PTPRE: variants seen among roughly 807,000 people sequenced by gnomAD.
PTPRE encodes the protein protein tyrosine phosphatase receptor type E.
Under a neutral mutation model 102.0 loss-of-function variants are expected in PTPRE, and 51 were observed. The observed-to-expected ratio is 0.50, with a 90% CI of 0.40 to 0.63. The LOEUF (loss-of-function observed/expected upper bound fraction) is 0.63. Ranked by LOEUF, PTPRE falls within the 30% of genes least tolerant of loss-of-function variation. The pLI, the probability that PTPRE is intolerant of heterozygous loss-of-function variation, is 0.00. For synonymous variants in PTPRE, 345 were observed against 348.2 expected, an observed-to-expected ratio of 0.99 and a Z score of 0.10; for missense variants, 752 against 915.1, an observed-to-expected ratio of 0.82 and a Z score of 2.30.
At chr10:128,081,260 T>C (rs1285486679) in intron 20 of PTPRE, among the ~76,000 whole-genome samples, 1 of 152,176 alleles carries the variant, frequency 6.6e-6, no homozygotes, top group Admixed American at 6.5e-5. Context: ...AGTTTCCAAT[T>C]GCTGAGCACT....
intron 2 of PTPRE, among the ~76,000 whole-genome samples, chr10:128,007,849 G>A (rs1844625112): frequency 6.6e-6 from 1 of 152,192 alleles, no homozygotes; most frequent in South Asian, 2.1e-4. Context: ...ATCAGCATCC[G>A]CATCTTGACT....
intron 2 of PTPRE, among the ~76,000 whole-genome samples, chr10:128,006,123 A>G (rs1328127251): frequency 1.3e-5 from 2 of 152,212 alleles, no homozygotes; most frequent in African/African-American, 2.4e-5. Flanking sequence ...CCAGATGGTC[A>G]TGAATTTGGG....
chr10:127,915,510 G>T (rs565518834), intron 1 of PTPRE, among the ~76,000 whole-genome samples: 1 of 152,108 alleles, frequency 6.6e-6, no homozygotes, highest in Non-Finnish European at 1.5e-5. Flanking sequence ...TTTTGCCAAG[G>T]TTGCAAACAT....
chr10:127,960,675 T>C (rs1184222313), intron 1 of PTPRE, among the ~76,000 whole-genome samples: 1 of 152,196 alleles, frequency 6.6e-6, no homozygotes, highest in East Asian at 1.9e-4. Flanking sequence ...AGCCCAGATC[T>C]TGCTCTGATT....
intron 1 of PTPRE, among the ~76,000 whole-genome samples, chr10:127,979,076 C>G (rs1244148888): frequency 6.6e-6 from 1 of 152,074 alleles, no homozygotes; most frequent in Non-Finnish European, 1.5e-5. Context: ...CTTGCCTTAC[C>G]TACTAGGATA....
chr10:127,947,282 A>G (rs528990265), intron 1 of PTPRE, among the ~76,000 whole-genome samples: 23 of 152,276 alleles, frequency 1.5e-4, no homozygotes, highest in African/African-American at 5.5e-4. Context: ...AACAAAATAA[A>G]TAAAAATTCT....
rs115794245 is a variant in PTPRE, at chr10:127,999,984, C to T, written c.-8+17688C>T. Reference sequence around the variant, plus strand: ...TCTGTAAGTATCCATGGATGCACAGCGCAGACGCGGAAAGGGATCCCCAGA... The same window carrying T: ...TCTGTAAGTATCCATGGATGCACAGTGCAGACGCGGAAAGGGATCCCCAGA... On this transcript the variant is annotated intron_variant, in intron 2 of 20. Transcript: ENST00000254667. 9.1e-6 allele frequency: 9 copies of T among 984,260 alleles called. No homozygotes were observed. The South Asian group carries it at 3.8e-4, about 41-fold the overall frequency. The allele number at this position is 984,260 out of a possible 1,614,324, so 61.0% of individuals were successfully genotyped here.
At chr10:127,943,294 T>C (rs1026719244) in intron 1 of PTPRE, among the ~76,000 whole-genome samples, 3 of 152,208 alleles carry the variant, frequency 2.0e-5, no homozygotes, top group Non-Finnish European at 4.4e-5. Context: ...TAAAATTATT[T>C]ATAAGGAACC....
chr10:128,008,699 T>C lies in PTPRE; in HGVS notation c.-8+26403T>C, dbSNP rs1222542396. On this transcript the variant is annotated intron_variant, in intron 2 of 20. Coordinates refer to ENST00000254667, the MANE Select transcript of PTPRE (RefSeq NM_006504.6). The surrounding 1 kb of genome is among the most constrained non-coding windows in gnomAD (Gnocchi z 4.0). ...GGTAATTCCGGCCAGGACTCAAGGA[T>C]GTAAGAAGTAGGAGACGCAGGATCA... 6.6e-6 allele frequency among the ~76,000 whole-genome samples: 1 copy of C among 152,070 alleles called. No homozygotes were observed. Among genetic ancestry groups the C allele is most frequent in the African/African-American group, 2.4e-5 (1 of 41,396 alleles).
chr10:128,072,249 T>A, intron 16 of PTPRE, 35 bp downstream of exon 16: 1 of 1,549,968 alleles, frequency 6.5e-7, no homozygotes, highest in Non-Finnish European at 8.9e-7. Context: ...TTTATGCAGA[T>A]GTGTTTCCTT....
intron 9 of PTPRE, among the ~76,000 whole-genome samples, chr10:128,062,624 A>G (rs1418569597): frequency 1.3e-5 from 2 of 152,146 alleles, no homozygotes; most frequent in Non-Finnish European, 2.9e-5. Context: ...TCCTAGTGAC[A>G]CTTTGTCTGT....
At chr10:128,071,116 G>A (rs1433497796) in intron 15 of PTPRE, 2 of 565,748 alleles carry the variant, frequency 3.5e-6, no homozygotes, top group East Asian at 5.8e-5. Context: ...TCCTGCATGG[G>A]TCTCAGGCAA....
intron 2 of PTPRE, among the ~76,000 whole-genome samples, chr10:128,009,472 C>T (rs572109902): frequency 1.7e-4 from 26 of 152,300 alleles, no homozygotes; most frequent in East Asian, 5.8e-4. Flanking sequence ...CTTCAGGGCA[C>T]GGAGCTGACA....
Position 128,040,912 on chromosome 10 carries a change from G to A in PTPRE, c.31G>A (p.Gly11Ser). 6.2e-7 allele frequency: 1 copy of A among 1,614,070 alleles called. No homozygotes were observed. The highest frequency in any genetic ancestry group is 8.5e-7 in the Non-Finnish European group (1 of 1,179,986). The part of the protein sequence containing the change: MEPLCPLLLV[G>S]FSLPLARALR... ...GCCCTTGTGTCCACTCCTGCTGGTG[G>A]GTTTTAGCTTGCCGCTCGCCAGGGC... The change falls in exon 3 of 21, where the codon GGT becomes AGT. Residue 11 changes from glycine (G) to serine (S), a missense_variant. By Grantham distance (56) the Gly-to-Ser change is moderately conservative (BLOSUM62 0). This residue lies in a region of PTPRE where 116 missense variants were observed against 90.8 expected (regional missense o/e 1.28). Coordinates refer to ENST00000254667, the MANE Select transcript of PTPRE (RefSeq NM_006504.6).
intron 1 of PTPRE, among the ~76,000 whole-genome samples, chr10:127,925,637 G>A (rs1246312348): frequency 2.0e-5 from 3 of 152,194 alleles, no homozygotes; most frequent in African/African-American, 7.2e-5. Context: ...TGTGGTCCAC[G>A]GCCACTGAGC....
chr10:127,985,321 G>A (rs879341867), intron 2 of PTPRE, among the ~76,000 whole-genome samples: 11 of 152,370 alleles, frequency 7.2e-5, no homozygotes, highest in Middle Eastern at 6.8e-3. Context: ...GGTGGCTCAT[G>A]CCTGTAATCC....
chr10:127,912,899 G>A (rs565927442), intron 1 of PTPRE, among the ~76,000 whole-genome samples: 135 of 152,362 alleles, frequency 8.9e-4, no homozygotes, highest in African/African-American at 3.1e-3. Flanking sequence ...AGTGGCGGAG[G>A]CCTTCCCTGC....
intron 3 of PTPRE, among the ~76,000 whole-genome samples, chr10:128,045,141 G>A (rs1847986945): frequency 6.6e-6 from 1 of 152,252 alleles, no homozygotes; most frequent in Non-Finnish European, 1.5e-5. Context: ...CTGAACAGAG[G>A]TAGCTACTAA....
intron 2 of PTPRE, among the ~76,000 whole-genome samples, chr10:127,993,665 GC>G (rs1328789667): frequency 2.6e-5 from 4 of 152,176 alleles, no homozygotes; most frequent in Non-Finnish European, 5.9e-5. Context: ...GCAGCACTTA[GC>G]ACAAACAGGG....
Sources: gnomAD v4.1 joint callset for allele counts (sites outside exome capture counted in the v4.1 genomes callset) on GRCh38, gnomAD v4.1.1 for gene constraint, gnomAD v4.1.1 regional missense constraint, Gnocchi (gnomAD v3.1) non-coding constraint, MANE v1.5 for transcripts, NCBI Gene and HGNC (gene_info 2026-07-23, HGNC 2026-07-21) for gene names.